The following ENTREP2 variants were observed in gnomAD, a reference collection of about 807,000 sequenced individuals.
ENTREP2 encodes the protein endosomal transmembrane epsin interactor 2, also known as protein ENTREP2.
chr15:29,615,617 C>CA, the ENTREP2 span, among the ~76,000 whole-genome samples: 1 of 152,096 alleles, frequency 6.6e-6, no homozygotes, highest in Non-Finnish European at 1.5e-5. Flanking sequence ...AAGGTGTGTT[C>CA]CCCCACCTAA....
the ENTREP2 span, among the ~76,000 whole-genome samples, chr15:29,357,233 G>A: frequency 6.6e-6 from 1 of 151,692 alleles, no homozygotes; most frequent in South Asian, 2.1e-4. Flanking sequence ...ATTCTGTAGG[G>A]GAGAAAAAAA....
the ENTREP2 span, among the ~76,000 whole-genome samples, chr15:29,414,274 A>C: frequency 3.3e-5 from 5 of 152,226 alleles, no homozygotes; most frequent in Admixed American, 1.3e-4. Flanking sequence ...GCAAATGTAA[A>C]AGAACAGAAA....
At chr15:29,275,161 G>A in the ENTREP2 span, among the ~76,000 whole-genome samples, 7 of 152,034 alleles carry the variant, frequency 4.6e-5, no homozygotes, top group African/African-American at 9.7e-5. Context: ...TATTTTGGGC[G>A]GGCAGCATAT....
At chr15:29,349,667 G>A in the ENTREP2 span, among the ~76,000 whole-genome samples, 2 of 152,116 alleles carry the variant, frequency 1.3e-5, no homozygotes, top group Admixed American at 6.5e-5. Flanking sequence ...GGAGGCTAAG[G>A]CAGGTGGATT....
At chr15:29,587,202 G>T in the ENTREP2 span, among the ~76,000 whole-genome samples, 1 of 144,646 alleles carries the variant, frequency 6.9e-6, no homozygotes, top group Non-Finnish European at 1.5e-5. Context: ...TCGTAGCTCT[G>T]TCCACTGAAA....
At chr15:29,666,444 A>C in the ENTREP2 span, among the ~76,000 whole-genome samples, 1 of 146,162 alleles carries the variant, frequency 6.8e-6, no homozygotes, top group Admixed American at 6.9e-5. Context: ...GACTGCCACC[A>C]TGGACAGTTA....
the ENTREP2 span, among the ~76,000 whole-genome samples, chr15:29,659,955 C>T: frequency 6.6e-6 from 1 of 152,030 alleles, no homozygotes; most frequent in Non-Finnish European, 1.5e-5. Context: ...TGCACCACCA[C>T]ACCTGGCTAA....
At chr15:29,403,417 TCTC>T in the ENTREP2 span, among the ~76,000 whole-genome samples, 13 of 152,240 alleles carry the variant, frequency 8.5e-5, no homozygotes, top group Admixed American at 2.0e-4. Context: ...CTTTTAGAAA[TCTC>T]CTCATGGCAC....
the ENTREP2 span, among the ~76,000 whole-genome samples, chr15:29,137,544 C>T: frequency 7.9e-5 from 12 of 152,252 alleles, no homozygotes; most frequent in South Asian, 4.1e-4. Context: ...TGGTTTAAGA[C>T]GGCACTTCGG....
At chr15:29,383,363 A>G in the ENTREP2 span, among the ~76,000 whole-genome samples, 1 of 152,190 alleles carries the variant, frequency 6.6e-6, no homozygotes, top group Non-Finnish European at 1.5e-5. Flanking sequence ...CCGTCACTCA[A>G]GCCGAAATCC....
the ENTREP2 span, among the ~76,000 whole-genome samples, chr15:29,159,582 T>C: frequency 6.6e-6 from 1 of 152,188 alleles, no homozygotes; most frequent in Non-Finnish European, 1.5e-5. Context: ...GACAGGGTGC[T>C]GATTGGTGCG....
the ENTREP2 span, among the ~76,000 whole-genome samples, chr15:29,260,126 T>C: frequency 9.8e-5 from 15 of 152,296 alleles, no homozygotes; most frequent in Middle Eastern, 3.4e-3. Context: ...TGGGCCTATT[T>C]GGGGTCTCTG....
the ENTREP2 span, among the ~76,000 whole-genome samples, chr15:29,372,195 A>G: frequency 1.3e-5 from 2 of 152,160 alleles, no homozygotes. Context: ...GCCACCCCTG[A>G]GACAGCAAGA....
chr15:29,434,026 A>G, the ENTREP2 span, among the ~76,000 whole-genome samples: 1 of 152,126 alleles, frequency 6.6e-6, no homozygotes, highest in African/African-American at 2.4e-5. Flanking sequence ...TGTCTATCCT[A>G]GAGAATGTGA....
chr15:29,508,772 A>C, the ENTREP2 span, among the ~76,000 whole-genome samples: 2 of 152,236 alleles, frequency 1.3e-5, no homozygotes, highest in African/African-American at 4.8e-5. Flanking sequence ...AGAGCTATTT[A>C]TGACAAACCC....
At chr15:29,419,711 A>C in the ENTREP2 span, among the ~76,000 whole-genome samples, 1 of 152,236 alleles carries the variant, frequency 6.6e-6, no homozygotes, top group African/African-American at 2.4e-5. Context: ...CTGGACGCAC[A>C]TATTACCTTC....
the ENTREP2 span, among the ~76,000 whole-genome samples, chr15:29,412,224 A>G: frequency 6.6e-6 from 1 of 151,684 alleles, no homozygotes; most frequent in Admixed American, 6.6e-5. Context: ...ATATCCCTCC[A>G]TTTATTTAGG....
the ENTREP2 span, among the ~76,000 whole-genome samples, chr15:29,664,504 G>A: frequency 1.3e-5 from 2 of 151,452 alleles, no homozygotes; most frequent in African/African-American, 4.9e-5. Flanking sequence ...CCCTGGGCTG[G>A]ATGCCGACGC....
At chr15:29,526,244 A>G in the ENTREP2 span, among the ~76,000 whole-genome samples, 1 of 152,186 alleles carries the variant, frequency 6.6e-6, no homozygotes, top group African/African-American at 2.4e-5. Flanking sequence ...GTTAAAAAAG[A>G]AAAGAAAAAA....
Sources: allele counts gnomAD v4.1 joint callset (sites outside exome capture counted in the v4.1 genomes callset), GRCh38; gene constraint gnomAD v4.1.1; transcripts MANE v1.5; gene names NCBI Gene and HGNC (gene_info 2026-07-23, HGNC 2026-07-21).